The following SPEG variants were observed in gnomAD, a reference collection of about 807,000 sequenced individuals.
SPEG encodes striated muscle enriched protein kinase.
Under a neutral mutation model 300.4 loss-of-function variants are expected in SPEG, and 114 were observed. That is an observed-to-expected ratio of 0.38 (90% CI 0.33 to 0.44). The LOEUF is 0.44. Ranked by LOEUF, SPEG falls within the 20% of genes least tolerant of loss-of-function variation. The pLI is 1.00. For synonymous variants in SPEG, 1,964 were observed against 2,018.9 expected (o/e 0.97, Z 0.73); for missense variants, 4,201 against 4,586.2 (o/e 0.92, Z 2.43).
intron 6 of SPEG, 143 bp from the exon 7 acceptor site, chr2:219,461,739 C>T (rs965716061): frequency 1.5e-5 from 14 of 964,108 alleles, no homozygotes; most frequent in African/African-American, 3.3e-5. Context: ...TGGGCGAGGT[C>T]GCAGGAGCCT....
chr2:219,443,957 C>T lies in SPEG; in HGVS notation c.389-696C>T. ...CGCCCCTTCTGTCTTGACTGCCCTC[C>T]ATGCCCTGCCCCACAAACGCTCTGA... On this transcript the variant is annotated intron_variant, in intron 1 of 40. Coordinates refer to ENST00000312358, the MANE Select transcript of SPEG (RefSeq NM_005876.5). The surrounding 1 kb of genome is among the most constrained non-coding windows in gnomAD (Gnocchi z 4.6). The T allele has an allele frequency of 1.5e-5, 19 of 1,282,590 alleles. No homozygotes were observed. Among genetic ancestry groups the T allele is most frequent in the Non-Finnish European group, 2.0e-5 (19 of 957,518 alleles). 79.5% of individuals were successfully genotyped at this position (1,282,590 alleles called of 1,614,324 possible).
chr2:219,486,349 C>T (rs1044050594), intron 31 of SPEG, among the ~76,000 whole-genome samples: 3 of 152,222 alleles, frequency 2.0e-5, no homozygotes, highest in Non-Finnish European at 4.4e-5. Flanking sequence ...TGTGCAGGAT[C>T]TTGACGAGCC....
chr2:219,468,032 A>G (rs1366528038), intron 10 of SPEG, among the ~76,000 whole-genome samples: 1 of 152,208 alleles, frequency 6.6e-6, no homozygotes, highest in East Asian at 1.9e-4. Flanking sequence ...TGGGTGATGA[A>G]GACCTAAGCG....
At chr2:219,469,461 C>T (rs1234123851) in intron 13 of SPEG, 82 bp downstream of exon 13, 2 of 1,145,840 alleles carry the variant, frequency 1.7e-6, no homozygotes, top group Non-Finnish European at 2.5e-6. Flanking sequence ...CCCCAGCTCT[C>T]CCCAGGCCTT....
rs1034078439 is a variant in SPEG at position 219,434,889 on chromosome 2, C to A, written c.-89C>A. ...GGCAGCAGGAAGGCAGGCCGCCGGC[C>A]CCCCAGACTTGTCTCCTAGGGCACC... On this transcript the variant is annotated 5_prime_UTR_variant, in exon 1 of 41. Coordinates refer to ENST00000312358, the MANE Select transcript of SPEG (RefSeq NM_005876.5). 4.6e-6 allele frequency: 4 copies of A among 873,090 alleles called. No homozygotes were observed. In the African/African-American group the frequency reaches 5.4e-5, roughly 12 times the overall value. The allele number at this position is 873,090 out of a possible 1,614,324, so 54.1% of individuals were successfully genotyped here.
In SPEG at chr2:219,464,799, C is replaced by A; in HGVS notation, c.2881+191C>A. ...ACAGGAAGTGACCTGCCCAAAGCTGCACAGCACATTGTTCCGTGCTCAGCT... is the reference window on the plus strand; with the variant it reads ...ACAGGAAGTGACCTGCCCAAAGCTGAACAGCACATTGTTCCGTGCTCAGCT... On this transcript the variant is annotated intron_variant, in intron 9 of 40. Transcript: ENST00000312358. This position sits in a 1 kb window ranked among gnomAD's most constrained non-coding sequence, Gnocchi z 4.5. 1 of 593,996 alleles carries A rather than the reference C, an allele frequency of 1.7e-6. No individual in the cohort carries two copies. The highest frequency in any genetic ancestry group is 3.0e-6 in the Non-Finnish European group (1 of 334,322). 36.8% of individuals were successfully genotyped at this position (593,996 alleles called of 1,614,324 possible).
Position 219,451,176 on chromosome 2 carries a change from C to T in SPEG, c.2154C>T (p.Pro718=). 6.2e-7 allele frequency: 1 copy of T among 1,613,870 alleles called. No homozygotes were observed. The highest frequency in any genetic ancestry group is 1.7e-4 in the Middle Eastern group (1 of 6,060). ...CCTACGTGTCCGCTGGAGAAGAGCC[C>T]CTAGAGGCCCCTGTGTTTGAGATCC... The part of the protein sequence containing the change: ...DDSYVSAGEE[P]LEAPVFEIPL... Residue 718 remains proline, a synonymous_variant, in exon 5 of 41, where the codon CCC becomes CCT. Coordinates refer to ENST00000312358, the MANE Select transcript of SPEG (RefSeq NM_005876.5). The surrounding 1 kb of genome is among the most constrained non-coding windows in gnomAD (Gnocchi z 6.4).
chr2:219,479,743 C>G lies in SPEG; in HGVS notation c.5086-40C>G. The stretch of plus-strand genomic sequence containing the variant: ...GCCCTGGAGGTGTTCAGACATACAC[C>G]ACCCTTCCCCCTCAGACTCTGGGCC... On this transcript the variant is annotated intron_variant, in intron 23 of 40. Coordinates refer to ENST00000312358, the MANE Select transcript of SPEG (RefSeq NM_005876.5). The surrounding 1 kb of genome is among the most constrained non-coding windows in gnomAD (Gnocchi z 5.5). 1.3e-6 allele frequency: 2 copies of G among 1,599,714 alleles called. No homozygotes were observed. The highest frequency in any genetic ancestry group is 1.7e-6 in the Non-Finnish European group (2 of 1,167,832).
chr2:219,480,310 CAGGG>C lies in SPEG; in HGVS notation c.5342+171_5342+174del, dbSNP rs1386349887. On this transcript the variant is annotated intron_variant, in intron 25 of 40. Transcript: ENST00000312358. This position sits in a 1 kb window ranked among gnomAD's most constrained non-coding sequence, Gnocchi z 5.3. ...ATGTTACTCCTTGCCCCTTGTGAGTCAGGGCTGCCCCATTCTCTCAAGGCCTCAG... is the reference window on the plus strand; with the variant it reads ...ATGTTACTCCTTGCCCCTTGTGAGTCCTGCCCCATTCTCTCAAGGCCTCAG... Among the ~76,000 whole-genome samples the C allele has an allele frequency of 6.6e-6, 1 of 152,142 alleles. No homozygotes were observed. Among genetic ancestry groups the C allele is most frequent in the Non-Finnish European group, 1.5e-5 (1 of 68,000 alleles).
intron 3 of SPEG, among the ~76,000 whole-genome samples, chr2:219,446,303 G>A (rs1241668119): frequency 1.3e-5 from 2 of 152,148 alleles, no homozygotes; most frequent in Non-Finnish European, 2.9e-5. Flanking sequence ...TGGCAACTTC[G>A]GAGGAACCCA....
At chr2:219,462,795 G>A (rs1224698617) in intron 8 of SPEG, among the ~76,000 whole-genome samples, 1 of 152,250 alleles carries the variant, frequency 6.6e-6, no homozygotes, top group Non-Finnish European at 1.5e-5. Context: ...GTGCATGCTT[G>A]TAATCCCAGC....
Position 219,473,866 on chromosome 2 carries a change from C to T in SPEG, c.4410C>T (p.His1470=), listed in dbSNP as rs778456791. The change falls in exon 18 of 41, where the codon CAC becomes CAT. Residue 1470 remains histidine, a synonymous_variant. Coordinates refer to ENST00000312358, the MANE Select transcript of SPEG (RefSeq NM_005876.5). This position sits in a 1 kb window ranked among gnomAD's most constrained non-coding sequence, Gnocchi z 4.6. ...TCACCTGCACCGCCCGAAACCGTCACGGCACACAGACCTGCTCGGTCACAT... is the reference window on the plus strand; with the variant it reads ...TCACCTGCACCGCCCGAAACCGTCATGGCACACAGACCTGCTCGGTCACAT... ...GALTCTARNR[H]GTQTCSVTLE... is the part of the protein sequence containing the mutation. 27 of 1,613,290 alleles carry T rather than the reference C, an allele frequency of 1.7e-5. No individual in the cohort carries two copies. The highest frequency in any genetic ancestry group is 2.2e-5 in the East Asian group (1 of 44,886).
At position 219,443,557 on chromosome 2, in the gene SPEG, C is replaced by T; in HGVS notation, c.389-1096C>T. On this transcript the variant is annotated intron_variant, in intron 1 of 40. Coordinates refer to ENST00000312358, the MANE Select transcript of SPEG (RefSeq NM_005876.5). The surrounding 1 kb of genome is among the most constrained non-coding windows in gnomAD (Gnocchi z 4.6). ...CTTTTCTCCTAACCTAACCACTGGG[C>T]ATTTTTGAGGACGATTCAACAGTAG... is the stretch of plus-strand genomic sequence containing the variant. The T allele has an allele frequency of 3.5e-6, 1 of 288,054 alleles. No homozygotes were observed. The highest frequency in any genetic ancestry group is 3.8e-5 in the South Asian group (1 of 26,172). The allele number at this position is 288,054 out of a possible 1,614,324, so 17.8% of individuals were successfully genotyped here. A position where few individuals can be genotyped will look rare whatever the true frequency, so the allele number is the denominator to read the frequency against.
Position 219,473,320 on chromosome 2 carries a change from C to T in SPEG, c.4148-184C>T. ...GGATCGGGCCTGCTGGGGTCCAACC[C>T]CACAACCTCAGCTTTGCTGCTCTCT... On this transcript the variant is annotated intron_variant, in intron 16 of 40. Coordinates refer to ENST00000312358, the MANE Select transcript of SPEG (RefSeq NM_005876.5). This position sits in a 1 kb window ranked among gnomAD's most constrained non-coding sequence, Gnocchi z 4.6. 1.3e-6 allele frequency: 1 copy of T among 765,270 alleles called. No homozygotes were observed. The highest frequency in any genetic ancestry group is 2.1e-6 in the Non-Finnish European group (1 of 478,038). The allele number at this position is 765,270 out of a possible 1,614,324, so 47.4% of individuals were successfully genotyped here.
chr2:219,464,705 A>G lies in SPEG; in HGVS notation c.2881+97A>G, dbSNP rs1253532844. The G allele has an allele frequency of 5.4e-6, 7 of 1,304,226 alleles. No homozygotes were observed. In the Admixed American group the frequency reaches 1.4e-4, roughly 26 times the overall value. 80.8% of individuals were successfully genotyped at this position (1,304,226 alleles called of 1,614,324 possible). A position where few individuals can be genotyped will look rare whatever the true frequency, so the allele number is the denominator to read the frequency against. On this transcript the variant is annotated intron_variant, in intron 9 of 40. Coordinates refer to ENST00000312358, the MANE Select transcript of SPEG (RefSeq NM_005876.5). The surrounding 1 kb of genome is among the most constrained non-coding windows in gnomAD (Gnocchi z 4.5). ...ACAGCCTCAGTTAGAGGATGCCACCACTGAAAGGGCCTTAAGGGGCCCCTA... is the reference window on the plus strand; with the variant it reads ...ACAGCCTCAGTTAGAGGATGCCACCGCTGAAAGGGCCTTAAGGGGCCCCTA...
At chr2:219,441,008 A>G (rs1688884083) in intron 1 of SPEG, among the ~76,000 whole-genome samples, 1 of 152,244 alleles carries the variant, frequency 6.6e-6, no homozygotes, top group Non-Finnish European at 1.5e-5. Flanking sequence ...TCTGAGACTC[A>G]GTCACTTGTC....
At chr2:219,441,520 T>G (rs1230712720) in intron 1 of SPEG, 5 of 469,692 alleles carry the variant, frequency 1.1e-5, no homozygotes, top group Admixed American at 7.1e-5. Flanking sequence ...CCTGGCACAG[T>G]GTGTGTGCGC....
At chr2:219,466,676 T>C (rs1691391362) in intron 9 of SPEG, 1 of 1,000,446 alleles carries the variant, frequency 1.0e-6, no homozygotes, top group Admixed American at 5.4e-5. Flanking sequence ...GGCTGAGCCC[T>C]GGCCCTGGCA....
chr2:219,491,069 T>C (rs980531707), intron 38 of SPEG, 113 bp downstream of exon 38: 3 of 765,518 alleles, frequency 3.9e-6, no homozygotes, highest in Non-Finnish European at 6.4e-6. Flanking sequence ...GATTACTGTA[T>C]TCAAGCAATG....
Sources: allele counts gnomAD v4.1 joint callset (sites outside exome capture counted in the v4.1 genomes callset), GRCh38; gene constraint gnomAD v4.1.1; non-coding constraint Gnocchi (gnomAD v3.1); transcripts MANE v1.5; gene names NCBI Gene and HGNC (gene_info 2026-07-23, HGNC 2026-07-21).